MLLT1: variants seen among roughly 807,000 people sequenced by gnomAD.
The protein encoded by MLLT1 is protein ENL.
In MLLT1, 11 loss-of-function variants were observed where a neutral mutation model predicts 55.1. The observed-to-expected ratio is 0.20, with a 90% CI of 0.13 to 0.33. The LOEUF (loss-of-function observed/expected upper bound fraction) is 0.33. MLLT1 is among the 10% of genes least tolerant of loss of function. MLLT1 has a pLI of 1.00. For synonymous variants in MLLT1, 323 were observed against 320.1 expected (o/e 1.01, Z -0.10); for missense variants, 536 against 760.6 (o/e 0.70, Z 3.47).
chr19:6,233,262 C>T lies in MLLT1; in HGVS notation c.277-2549G>A, dbSNP rs545413898. 9.8e-5 allele frequency among the ~76,000 whole-genome samples: 15 copies of T among 152,320 alleles called. 1 individual carries two copies. The highest frequency in any genetic ancestry group is 8.3e-4 in the South Asian group (4 of 4,826). On this transcript the variant is annotated intron_variant, in intron 3 of 11. Coordinates refer to ENST00000252674, the MANE Select transcript of MLLT1 (RefSeq NM_005934.4). Reference sequence around the variant, plus strand: ...GCCCAGCTAGTAACACAGTTGGCAGCGGCAGCTCCTGCGGCCGCCCAGGAG... The same window carrying T: ...GCCCAGCTAGTAACACAGTTGGCAGTGGCAGCTCCTGCGGCCGCCCAGGAG...
At chr19:6,224,294 C>G (rs907010351) in intron 5 of MLLT1, among the ~76,000 whole-genome samples, 3 of 152,260 alleles carry the variant, frequency 2.0e-5, no homozygotes, top group Admixed American at 2.0e-4. Context: ...CCTGGCTCTT[C>G]CACCTGGGAC....
chr19:6,212,560 C>G lies in MLLT1; in HGVS notation c.*482G>C, dbSNP rs1334995992. 1 of 1,087,238 alleles carries G rather than the reference C, an allele frequency of 9.2e-7. No individual in the cohort carries two copies. Among genetic ancestry groups the G allele is most frequent in the Non-Finnish European group, 1.1e-6 (1 of 894,858 alleles). 67.3% of individuals were successfully genotyped at this position (1,087,238 alleles called of 1,614,324 possible). A position where few individuals can be genotyped will look rare whatever the true frequency, so the allele number is the denominator to read the frequency against. On this transcript the variant is annotated 3_prime_UTR_variant, in exon 12 of 12. Coordinates refer to ENST00000252674, the MANE Select transcript of MLLT1 (RefSeq NM_005934.4). Reference sequence around the variant, plus strand: ...CGGGGAGGAGCCGGCGCTAGGTCTACACGGAGGACGACGCAGACACACAGG... The same window carrying G: ...CGGGGAGGAGCCGGCGCTAGGTCTAGACGGAGGACGACGCAGACACACAGG...
At chr19:6,234,384 C>T (rs1010289390) in intron 3 of MLLT1, among the ~76,000 whole-genome samples, 15 of 152,236 alleles carry the variant, frequency 9.9e-5, no homozygotes, top group East Asian at 9.6e-4. Context: ...CCACACCCTC[C>T]GGCCTATGGC....
At chr19:6,216,363 C>T (rs775552194) in intron 8 of MLLT1, 42 bp downstream of exon 8, 11 of 1,458,922 alleles carry the variant, frequency 7.5e-6, no homozygotes, top group South Asian at 1.2e-5. Context: ...GGAGTCGCCC[C>T]GGGTGGCCGC....
Position 6,211,902 on chromosome 19 carries a change from G to T in MLLT1, c.*1140C>A. ...ATGAATTGCGGCGGTGGAGGCCGGG[G>T]CGGGCCAGGCCGCGACCAGAGAGAA... On this transcript the variant is annotated 3_prime_UTR_variant, in exon 12 of 12. Coordinates refer to ENST00000252674, the MANE Select transcript of MLLT1 (RefSeq NM_005934.4). This position sits in a 1 kb window ranked among gnomAD's most constrained non-coding sequence, Gnocchi z 4.6. 1.9e-6 allele frequency: 2 copies of T among 1,064,730 alleles called. No individual in the cohort carries two copies. Among genetic ancestry groups the T allele is most frequent in the Non-Finnish European group, 2.3e-6 (2 of 878,890 alleles). 66.0% of individuals were successfully genotyped at this position (1,064,730 alleles called of 1,614,324 possible).
intron 8 of MLLT1, among the ~76,000 whole-genome samples, chr19:6,216,131 C>T (rs2144846897): frequency 6.6e-6 from 1 of 152,286 alleles, no homozygotes; most frequent in Non-Finnish European, 1.5e-5. Flanking sequence ...ATAGCCCACA[C>T]CTGCCAGTGA....
rs762271267 is a variant in MLLT1 at position 6,213,838 on chromosome 19, C to T, written c.1408-41G>A. 2.5e-6 allele frequency: 4 copies of T among 1,603,130 alleles called. No individual in the cohort carries two copies. In the Admixed American group the frequency reaches 6.7e-5, roughly 27 times the overall value. On this transcript the variant is annotated intron_variant, in intron 9 of 11. Transcript: ENST00000252674. ...GTCTCTGCTGAGCTGTGGCCCACAC[C>T]CTCCCCAGCCCCGAAGGCCCCACAA... is the stretch of plus-strand genomic sequence containing the variant.
At chr19:6,221,293 G>A (rs1007600894) in intron 6 of MLLT1, among the ~76,000 whole-genome samples, 1 of 152,182 alleles carries the variant, frequency 6.6e-6, no homozygotes, top group Non-Finnish European at 1.5e-5. Flanking sequence ...AGTGTCTGTT[G>A]TCTAAATGCC....
chr19:6,213,435 G>A (rs2090801922), intron 10 of MLLT1, 27 bp from the exon 11 acceptor site: 1 of 1,562,026 alleles, frequency 6.4e-7, no homozygotes, highest in South Asian at 1.1e-5. Flanking sequence ...GGTCTCAGCA[G>A]CGTGTGGGGG....
intron 11 of MLLT1, 66 bp from the exon 12 acceptor site, chr19:6,213,236 C>CT: frequency 6.2e-7 from 1 of 1,611,048 alleles, no homozygotes; most frequent in Non-Finnish European, 8.5e-7. Context: ...TGTTCCCTAA[C>CT]AGAGGTAGGG....
At position 6,256,891 on chromosome 19, in the gene MLLT1, A is replaced by C. The variant is rs911812394; in HGVS notation, c.276+5337T>G. On this transcript the variant is annotated intron_variant, in intron 3 of 11. Transcript: ENST00000252674. The surrounding 1 kb of genome is among the most constrained non-coding windows in gnomAD (Gnocchi z 4.1). Reference sequence around the variant, plus strand: ...AGTTTTAAACCCCAAATCTATGGCCAGCTGATTTTCAACAACGCTCTAACA... The same window carrying C: ...AGTTTTAAACCCCAAATCTATGGCCCGCTGATTTTCAACAACGCTCTAACA... Among the ~76,000 whole-genome samples the C allele has an allele frequency of 6.6e-6, 1 of 152,256 alleles. No individual in the cohort carries two copies. Among genetic ancestry groups the C allele is most frequent in the African/African-American group, 2.4e-5 (1 of 41,472 alleles).
intron 1 of MLLT1, among the ~76,000 whole-genome samples, chr19:6,271,350 C>G (rs1372095539): frequency 6.6e-6 from 1 of 152,210 alleles, no homozygotes; most frequent in African/African-American, 2.4e-5. Flanking sequence ...AGGCCCCTCT[C>G]CTTTCCCTAA....
At position 6,211,649 on chromosome 19, in the gene MLLT1, G is replaced by T. The variant is rs2090773193; in HGVS notation, c.*1393C>A. 1 of 1,064,602 alleles carries T rather than the reference G, an allele frequency of 9.4e-7. No individual in the cohort carries two copies. Among genetic ancestry groups the T allele is most frequent in the Non-Finnish European group, 1.1e-6 (1 of 878,796 alleles). The allele number at this position is 1,064,602 out of a possible 1,614,324, so 65.9% of individuals were successfully genotyped here. On this transcript the variant is annotated 3_prime_UTR_variant, in exon 12 of 12. Transcript: ENST00000252674. This position sits in a 1 kb window ranked among gnomAD's most constrained non-coding sequence, Gnocchi z 4.6. ...TAACTTGGTCAGGGCACAAGGACTT[G>T]AAAGGACTTGAAAGTCAGGGGGTTG...
At chr19:6,213,236 C>G in intron 11 of MLLT1, 66 bp from the exon 12 acceptor site, 1 of 1,611,048 alleles carries the variant, frequency 6.2e-7, no homozygotes. Flanking sequence ...TGTTCCCTAA[C>G]AGAGGTAGGG....
chr19:6,215,737 C>T lies in MLLT1; in HGVS notation c.1307+668G>A, dbSNP rs147978524. 4.1e-3 allele frequency among the ~76,000 whole-genome samples: 619 copies of T among 152,298 alleles called. 3 individuals are homozygous for T. Among genetic ancestry groups the T allele is most frequent in the Middle Eastern group, 0.037 (11 of 294 alleles). ...CCTCACGGGAGGAGGGGCTGACTGC[C>T]GGCTCTGCTACAGCTTTGGAAAAGC... On this transcript the variant is annotated intron_variant, in intron 8 of 11. Coordinates refer to ENST00000252674, the MANE Select transcript of MLLT1 (RefSeq NM_005934.4).
At chr19:6,225,507 G>T (rs779492181) in intron 5 of MLLT1, among the ~76,000 whole-genome samples, 2 of 152,342 alleles carry the variant, frequency 1.3e-5, no homozygotes, top group East Asian at 3.9e-4. Flanking sequence ...CATTCGCCAG[G>T]CTAGGGCTCG....
At position 6,273,381 on chromosome 19, in the gene MLLT1, T is replaced by C. The variant is rs2091409430; in HGVS notation, c.13-2622A>G. ...GCAGCAGGGACATTCACGACCCCAG[T>C]GTGGGAAGAAAGTGGGGATGGACGG... On this transcript the variant is annotated intron_variant, in intron 1 of 11. Coordinates refer to ENST00000252674, the MANE Select transcript of MLLT1 (RefSeq NM_005934.4). This position sits in a 1 kb window ranked among gnomAD's most constrained non-coding sequence, Gnocchi z 4.3. Among the ~76,000 whole-genome samples the C allele has an allele frequency of 6.6e-6, 1 of 151,978 alleles. No homozygotes were observed. Among genetic ancestry groups the C allele is most frequent in the African/African-American group, 2.4e-5 (1 of 41,342 alleles).
At chr19:6,275,502 G>A (rs79815253) in intron 1 of MLLT1, among the ~76,000 whole-genome samples, 2,065 of 152,322 alleles carry the variant, frequency 0.014, 30 homozygotes, top group Admixed American at 0.023. Context: ...GGGGCCCTCA[G>A]TGGTAACCAC....
chr19:6,266,582 G>A (rs1238849028), intron 2 of MLLT1, among the ~76,000 whole-genome samples: 2 of 152,078 alleles, frequency 1.3e-5, no homozygotes, highest in African/African-American at 2.4e-5. Context: ...TCGGCCTCCC[G>A]AGTAGCTGGG....
Sources: allele counts gnomAD v4.1 joint callset (sites outside exome capture counted in the v4.1 genomes callset), GRCh38; gene constraint gnomAD v4.1.1; non-coding constraint Gnocchi (gnomAD v3.1); transcripts MANE v1.5; gene names NCBI Gene and HGNC (gene_info 2026-07-23, HGNC 2026-07-21).